DNAH14: variants seen among roughly 807,000 people sequenced by gnomAD.
DNAH14 encodes the protein axonemal beta dynein heavy chain 14.
In DNAH14, 478 loss-of-function variants were observed where a neutral mutation model predicts 520.9. The observed-to-expected ratio is 0.92, with a 90% CI of 0.85 to 0.99. The LOEUF is 0.99. Ranked by LOEUF, DNAH14 falls within the 50% of genes least tolerant of loss-of-function variation. DNAH14 has a pLI of 0.00. For missense variants in DNAH14, 4,831 were observed against 5,234.5 expected (o/e 0.92, Z 2.38); for synonymous variants, 1,581 against 1,757.2 (o/e 0.90, Z 2.51).
rs146610913 is a variant in DNAH14 at position 225,083,361 on chromosome 1, A to G, written c.3327+622A>G. On this transcript the variant is annotated intron_variant, in intron 20 of 85. Coordinates refer to ENST00000682510, the MANE Select transcript of DNAH14 (RefSeq NM_001367479.1). ...ATTCTCTGCTAAATGATCTGTTGTAATGAGGAACATGAGCACCTTTTTTAA... is the reference window on the plus strand; with the variant it reads ...ATTCTCTGCTAAATGATCTGTTGTAGTGAGGAACATGAGCACCTTTTTTAA... 2.6e-5 allele frequency among the ~76,000 whole-genome samples: 4 copies of G among 152,270 alleles called. No homozygotes were observed. In the East Asian group the frequency reaches 7.7e-4, roughly 29 times the overall value.
intron 41 of DNAH14, among the ~76,000 whole-genome samples, chr1:225,230,254 C>G (rs2090972423): frequency 6.6e-6 from 1 of 152,036 alleles, no homozygotes; most frequent in Admixed American, 6.6e-5. Flanking sequence ...GCAACAAAAT[C>G]ATTTTTCAAA....
At chr1:225,063,338 C>A (rs1316540747) in intron 17 of DNAH14, among the ~76,000 whole-genome samples, 1 of 152,114 alleles carries the variant, frequency 6.6e-6, no homozygotes, top group Non-Finnish European at 1.5e-5. Context: ...ATACCAAATA[C>A]AATGTAAATG....
chr1:225,173,658 G>C (rs2082967147), intron 36 of DNAH14, among the ~76,000 whole-genome samples: 1 of 152,218 alleles, frequency 6.6e-6, no homozygotes, highest in South Asian at 2.1e-4. Context: ...TTACACTGTT[G>C]GTGGGACTGT....
intron 1 of DNAH14, among the ~76,000 whole-genome samples, chr1:224,944,693 G>A (rs543772903): frequency 1.7e-4 from 26 of 152,280 alleles, no homozygotes; most frequent in African/African-American, 6.3e-4. Context: ...GCCCGGTGGT[G>A]ACAAAATCTC....
At chr1:225,195,271 A>G (rs1180972862) in intron 38 of DNAH14, among the ~76,000 whole-genome samples, 1 of 152,200 alleles carries the variant, frequency 6.6e-6, no homozygotes, top group East Asian at 1.9e-4. Context: ...ATGCCCATCA[A>G]TGGTAGACTG....
intron 1 of DNAH14, among the ~76,000 whole-genome samples, chr1:224,951,395 A>G (rs1452016532): frequency 7.8e-6 from 1 of 128,196 alleles, no homozygotes; most frequent in African/African-American, 4.8e-5. Flanking sequence ...GATTTGATTT[A>G]GGGATTTTTT....
At chr1:225,388,519 TTCC>T (rs1452766669) in intron 82 of DNAH14, 28 bp downstream of exon 82, 1 of 1,342,718 alleles carries the variant, frequency 7.4e-7, no homozygotes, top group South Asian at 1.4e-5. Flanking sequence ...TTTACATTTC[TTCC>T]TCATTTTTGC....
At chr1:225,064,873 A>T (rs2070660613) in intron 17 of DNAH14, among the ~76,000 whole-genome samples, 1 of 152,012 alleles carries the variant, frequency 6.6e-6, no homozygotes, top group African/African-American at 2.4e-5. Context: ...GTTAAAACTC[A>T]TCAAAATAAA....
intron 36 of DNAH14, among the ~76,000 whole-genome samples, chr1:225,181,774 C>T (rs1221608934): frequency 2.6e-5 from 4 of 152,098 alleles, no homozygotes; most frequent in African/African-American, 9.7e-5. Context: ...AATATCTTCT[C>T]CCCGCTGTTT....
At chr1:225,058,219 G>A (rs2069437625) in intron 17 of DNAH14, among the ~76,000 whole-genome samples, 1 of 152,128 alleles carries the variant, frequency 6.6e-6, no homozygotes, top group East Asian at 1.9e-4. Flanking sequence ...CCTGTTACTG[G>A]TCTATTCAGA....
chr1:225,069,897 C>G (rs1044071911), intron 17 of DNAH14, among the ~76,000 whole-genome samples: 2 of 152,064 alleles, frequency 1.3e-5, no homozygotes, highest in Non-Finnish European at 2.9e-5. Flanking sequence ...CATTTTTGGT[C>G]TGTTCAGGGA....
intron 54 of DNAH14, among the ~76,000 whole-genome samples, chr1:225,279,831 G>T (rs1181737049): frequency 6.6e-6 from 1 of 151,614 alleles, no homozygotes; most frequent in African/African-American, 2.4e-5. Flanking sequence ...TCTTGAAGGG[G>T]ATCCAGATGT....
chr1:224,979,016 C>G (rs1421527864), intron 8 of DNAH14, among the ~76,000 whole-genome samples: 1 of 151,978 alleles, frequency 6.6e-6, no homozygotes, highest in Non-Finnish European at 1.5e-5. Flanking sequence ...TGCTAATTAC[C>G]CTGATTTACT....
intron 66 of DNAH14, among the ~76,000 whole-genome samples, chr1:225,335,319 G>A (rs2094925081): frequency 7.9e-6 from 1 of 126,162 alleles, no homozygotes; most frequent in African/African-American, 3.3e-5. Flanking sequence ...GTGTGTATAT[G>A]CACATATACA....
At chr1:225,014,587 A>C (rs1400608593) in intron 10 of DNAH14, among the ~76,000 whole-genome samples, 1 of 151,854 alleles carries the variant, frequency 6.6e-6, no homozygotes, top group Admixed American at 6.6e-5. Flanking sequence ...AACATGTTTA[A>C]TTTTCATGTA....
intron 13 of DNAH14, 45 bp from the exon 14 acceptor site, chr1:225,043,699 T>G: frequency 7.6e-7 from 1 of 1,314,416 alleles, no homozygotes; most frequent in Non-Finnish European, 1.1e-6. Flanking sequence ...GATATAAATA[T>G]CAATCAATTT....
intron 80 of DNAH14, among the ~76,000 whole-genome samples, chr1:225,381,099 C>G (rs2095775853): frequency 6.6e-6 from 1 of 152,188 alleles, no homozygotes; most frequent in South Asian, 2.1e-4. Flanking sequence ...TAAAGCTTTA[C>G]TGGAACACAG....
In DNAH14 at chr1:224,962,052, A is replaced by G. The variant is rs75678443; in HGVS notation, c.367+1750A>G. 7.9e-5 allele frequency among the ~76,000 whole-genome samples: 12 copies of G among 152,306 alleles called. No individual in the cohort carries two copies. The East Asian group carries it at 2.3e-3, about 29-fold the overall frequency. Reference sequence around the variant, plus strand: ...AATTATTAAATATTTCAAATATACAATATAGAGAAGATAATTTAGTATTCA... The same window carrying G: ...AATTATTAAATATTTCAAATATACAGTATAGAGAAGATAATTTAGTATTCA... On this transcript the variant is annotated intron_variant, in intron 4 of 85. Coordinates refer to ENST00000682510, the MANE Select transcript of DNAH14 (RefSeq NM_001367479.1).
intron 8 of DNAH14, among the ~76,000 whole-genome samples, chr1:224,979,983 C>T (rs2489341): frequency 1.3e-5 from 2 of 152,092 alleles, no homozygotes; most frequent in Non-Finnish European, 2.9e-5. Context: ...TGAATGACCA[C>T]CAGTGTTAAC....
Sources: allele counts gnomAD v4.1 joint callset (sites outside exome capture counted in the v4.1 genomes callset), GRCh38; gene constraint gnomAD v4.1.1; transcripts MANE v1.5; gene names NCBI Gene and HGNC (gene_info 2026-07-23, HGNC 2026-07-21).